The following IQUB variants were observed in gnomAD, a reference collection of about 807,000 sequenced individuals.
IQUB encodes the protein IQ motif and ubiquitin domain containing.
IQUB carries 86 observed loss-of-function variants against 86.4 expected under a neutral mutation model. The observed-to-expected ratio is 1.00, with a 90% CI of 0.84 to 1.19. IQUB has a LOEUF of 1.19. Among genes scored for constraint, IQUB ranks in the 50% most tolerant of loss-of-function variants. IQUB has a pLI of 0.00. For synonymous variants in IQUB, 289 were observed against 304.5 expected, an observed-to-expected ratio of 0.95 and a Z score of 0.53; for missense variants, 946 against 916.9, an observed-to-expected ratio of 1.03 and a Z score of -0.41.
chr7:123,452,791 G>GTGA lies in IQUB; in HGVS notation c.2325_2327dup (p.His776dup), dbSNP rs768723298. ...CTATAATCTTAGGTGTTGTGTCTGAGTGATACTTCCATCTGATCTCATCAA... is the reference window on the plus strand; with the variant it reads ...CTATAATCTTAGGTGTTGTGTCTGAGTGATGATACTTCCATCTGATCTCATCAA... On this transcript the variant is annotated inframe_insertion, in exon 13 of 13. Coordinates refer to ENST00000324698, the MANE Select transcript of IQUB (RefSeq NM_178827.5). 1 of 1,613,610 alleles carries GTGA rather than the reference G, an allele frequency of 6.2e-7. No individual in the cohort carries two copies. The highest frequency in any genetic ancestry group is 1.1e-5 in the South Asian group (1 of 91,046).
intron 7 of IQUB, among the ~76,000 whole-genome samples, chr7:123,489,037 A>G (rs1795341302): frequency 6.6e-6 from 1 of 152,212 alleles, no homozygotes; most frequent in Admixed American, 6.5e-5. Flanking sequence ...AAAATATACT[A>G]CAAAATGTAT....
chr7:123,507,347 T>C (rs1316803220), intron 3 of IQUB, among the ~76,000 whole-genome samples: 1 of 152,220 alleles, frequency 6.6e-6, no homozygotes, highest in African/African-American at 2.4e-5. Flanking sequence ...TGCCCAACTG[T>C]AGGCTAATGT....
At chr7:123,453,082 A>C (rs949167007) in intron 12 of IQUB, among the ~76,000 whole-genome samples, 157 bp from the exon 13 acceptor site, 1 of 151,802 alleles carries the variant, frequency 6.6e-6, no homozygotes, top group Non-Finnish European at 1.5e-5. Flanking sequence ...CTCAGCTCCT[A>C]TGATACTTTA....
intron 11 of IQUB, among the ~76,000 whole-genome samples, chr7:123,460,147 T>G (rs1030158950): frequency 6.6e-6 from 1 of 151,964 alleles, no homozygotes; most frequent in Non-Finnish European, 1.5e-5. Context: ...CTTAGTAGCG[T>G]AAACTTGGAC....
rs1194347569 is a variant in IQUB, at chr7:123,530,346, G to T, written c.-5+4146C>A. ...AGCTACTCGGGAAGCTGAGGCAGGA[G>T]AATCGCTTCAACCTGGAAGGCGGAG... On this transcript the variant is annotated intron_variant, in intron 1 of 12. Transcript: ENST00000324698. Among the ~76,000 whole-genome samples, 11 of 151,812 alleles carry T rather than the reference G, an allele frequency of 7.2e-5. No homozygotes were observed. The East Asian group carries it at 1.6e-3, about 22-fold the overall frequency.
Position 123,528,279 on chromosome 7 carries a change from C to T in IQUB, c.-5+6213G>A, listed in dbSNP as rs968837808. ...AAATGCAGAAATCACCCGTCTTCTGCGTCGCTCACGCTGGGAGCTGTTGAC... is the reference window on the plus strand; with the variant it reads ...AAATGCAGAAATCACCCGTCTTCTGTGTCGCTCACGCTGGGAGCTGTTGAC... On this transcript the variant is annotated intron_variant, in intron 1 of 12. Transcript: ENST00000324698. Among the ~76,000 whole-genome samples, 10 of 152,168 alleles carry T rather than the reference C, an allele frequency of 6.6e-5. 1 individual carries two copies. The highest frequency in any genetic ancestry group is 9.7e-5 in the African/African-American group (4 of 41,450).
intron 8 of IQUB, among the ~76,000 whole-genome samples, chr7:123,470,894 A>C (rs558362827): frequency 7.2e-5 from 11 of 152,126 alleles, no homozygotes; most frequent in African/African-American, 2.4e-4. Flanking sequence ...CAGTATCAGG[A>C]GGGAATTTTA....
In IQUB at chr7:123,479,783, C is replaced by G. The variant is rs948199076; in HGVS notation, c.1410+12G>C. 1.9e-6 allele frequency: 3 copies of G among 1,591,378 alleles called. No individual in the cohort carries two copies. Among genetic ancestry groups the G allele is most frequent in the Admixed American group, 1.7e-5 (1 of 57,236 alleles). On this transcript the variant is annotated intron_variant, in intron 8 of 12. Coordinates refer to ENST00000324698, the MANE Select transcript of IQUB (RefSeq NM_178827.5). ...AATACATTCATATTTAAATAGTAGTCACTTCACTAACCTTATCCAAAAAAG... is the reference window on the plus strand; with the variant it reads ...AATACATTCATATTTAAATAGTAGTGACTTCACTAACCTTATCCAAAAAAG...
chr7:123,509,913 T>C lies in IQUB; in HGVS notation c.520A>G (p.Ile174Val), dbSNP rs1371881308. 4 of 1,603,700 alleles carry C rather than the reference T, an allele frequency of 2.5e-6. No individual in the cohort carries two copies. In the Admixed American group the frequency reaches 5.2e-5, roughly 21 times the overall value. Residue 174 changes from isoleucine to valine, a missense_variant, in exon 3 of 13, where the codon ATA becomes GTA. Transcript: ENST00000324698. The stretch of plus-strand genomic sequence containing the variant: ...CCTCCAAACTTACCTGAGTATCTTA[T>C]CTGCAGTACAGAATGTGGGATACCT... Reference protein sequence around the residue: ...LLGIPHSVLQIRYSGKILKNN... With the variant: ...LLGIPHSVLQVRYSGKILKNN...
chr7:123,498,214 G>A (rs75089211), intron 6 of IQUB, among the ~76,000 whole-genome samples: 3,662 of 151,978 alleles, frequency 0.024, 64 homozygotes, highest in Non-Finnish European at 0.039. Context: ...ACACATCAGC[G>A]GCATCTAGAA....
At chr7:123,477,629 G>A (rs975627105) in intron 8 of IQUB, among the ~76,000 whole-genome samples, 1 of 152,126 alleles carries the variant, frequency 6.6e-6, no homozygotes, top group Non-Finnish European at 1.5e-5. Flanking sequence ...CACAGCAAAA[G>A]AAACTACCAT....
Position 123,503,301 on chromosome 7 carries a change from G to C in IQUB, c.595C>G (p.Gln199Glu). 6.2e-7 allele frequency: 1 copy of C among 1,602,450 alleles called. No homozygotes were observed. The change falls in exon 4 of 13, where the codon CAA (glutamine) becomes GAA (glutamate). Residue 199 changes from glutamine to glutamate, a missense_variant. Physicochemically the swap from Gln to Glu is conservative, Grantham distance 29. Transcript: ENST00000324698. ...QHGVKPQEIVQVEIFSTNPDL... is the reference protein window; with the variant it reads ...QHGVKPQEIVEVEIFSTNPDL... Reference sequence around the variant, plus strand: ...GGATTTGTAGAAAAGATTTCCACTTGTACAATTTCCTGTGGCTTAACTCCA... The same window carrying C: ...GGATTTGTAGAAAAGATTTCCACTTCTACAATTTCCTGTGGCTTAACTCCA...
In IQUB at chr7:123,511,996, T is replaced by C. The variant is rs550781912; in HGVS notation, c.345A>G (p.Ile115Met). 2.5e-6 allele frequency: 4 copies of C among 1,612,588 alleles called. No homozygotes were observed. In the East Asian group the frequency reaches 6.7e-5, roughly 27 times the overall value. ...NDDSLAFLDK[I>M]KSVKESLQES... ...CTTGCAAAGATTCCTTTACAGACTT[T>C]ATTTTATCCAGAAATGCCAAACTAT... Residue 115 changes from isoleucine to methionine, a missense_variant, in exon 2 of 13, where the codon ATA becomes ATG. Physicochemically the swap from Ile to Met is conservative, Grantham distance 10 (BLOSUM62 1). Coordinates refer to ENST00000324698, the MANE Select transcript of IQUB (RefSeq NM_178827.5).
intron 7 of IQUB, among the ~76,000 whole-genome samples, chr7:123,490,367 TC>T (rs1795404232): frequency 6.6e-6 from 1 of 152,110 alleles, no homozygotes; most frequent in Non-Finnish European, 1.5e-5. Context: ...TGTTTTTACA[TC>T]TAATAAGAAA....
chr7:123,532,911 G>C lies in IQUB; in HGVS notation c.-5+1581C>G, dbSNP rs563790140. 51 of 152,450 alleles carry C rather than the reference G, an allele frequency of 3.3e-4. 1 individual carries two copies. Among genetic ancestry groups the C allele is most frequent in the Admixed American group, 3.3e-3 (51 of 15,314 alleles). 9.4% of individuals were successfully genotyped at this position (152,450 alleles called of 1,614,324 possible). A position where few individuals can be genotyped will look rare whatever the true frequency, so the allele number is the denominator to read the frequency against. Reference sequence around the variant, plus strand: ...GCTTGGCGCGGAAGGCGCCGCCAGTGACCGGCTGCGGCTGGGGGCGGAGGC... The same window carrying C: ...GCTTGGCGCGGAAGGCGCCGCCAGTCACCGGCTGCGGCTGGGGGCGGAGGC... On this transcript the variant is annotated intron_variant, in intron 1 of 12. Coordinates refer to ENST00000324698, the MANE Select transcript of IQUB (RefSeq NM_178827.5).
chr7:123,530,628 C>A (rs1797486072), intron 1 of IQUB, among the ~76,000 whole-genome samples: 1 of 151,598 alleles, frequency 6.6e-6, no homozygotes. Context: ...TCCATTTCTA[C>A]CCATTTTTTA....
chr7:123,479,184 G>C (rs1018143227), intron 8 of IQUB, among the ~76,000 whole-genome samples: 2 of 152,102 alleles, frequency 1.3e-5, no homozygotes, highest in Non-Finnish European at 2.9e-5. Flanking sequence ...TGTTTGGAAA[G>C]ACTAGGTTTA....
chr7:123,523,884 C>G (rs995904115), intron 1 of IQUB, among the ~76,000 whole-genome samples: 51 of 152,072 alleles, frequency 3.4e-4, no homozygotes, highest in Admixed American at 2.9e-3. Context: ...TTTTGTATAA[C>G]GTGTAAGGAA....
intron 1 of IQUB, among the ~76,000 whole-genome samples, chr7:123,523,606 C>A (rs1279735837): frequency 2.0e-5 from 3 of 151,410 alleles, no homozygotes; most frequent in Non-Finnish European, 2.9e-5. Flanking sequence ...GATATTAGCC[C>A]TTTGTCAGAT....
Sources: gnomAD v4.1 joint callset for allele counts (sites outside exome capture counted in the v4.1 genomes callset) on GRCh38, gnomAD v4.1.1 for gene constraint, MANE v1.5 for transcripts, NCBI Gene and HGNC (gene_info 2026-07-23, HGNC 2026-07-21) for gene names.